Variants in SEMA6A observed in about 807,000 individuals in gnomAD.
SEMA6A encodes semaphorin-6A.
In SEMA6A, 25 loss-of-function variants were observed where a neutral mutation model predicts 96.8. The observed-to-expected ratio is 0.26, with a 90% confidence interval of 0.19 to 0.36. The LOEUF (loss-of-function observed/expected upper bound fraction) is 0.36, where lower values mean the gene tolerates loss of function less well. Ranked by LOEUF, SEMA6A falls within the 10% of genes least tolerant of loss-of-function variation. The pLI is 1.00. For synonymous variants in SEMA6A, 612 were observed against 518.0 expected (o/e 1.18, Z -2.46); for missense variants, 1,363 against 1,323.1 (o/e 1.03, Z -0.47).
intron 1 of SEMA6A, among the ~76,000 whole-genome samples, chr5:116,538,491 T>C (rs960365558): frequency 1.3e-5 from 2 of 152,188 alleles, no homozygotes; most frequent in African/African-American, 4.8e-5. Flanking sequence ...GGATAATGAA[T>C]TATTTTCAGG....
chr5:116,522,439 C>G (rs1196884126), intron 1 of SEMA6A, among the ~76,000 whole-genome samples: 1 of 152,036 alleles, frequency 6.6e-6, no homozygotes, highest in African/African-American at 2.4e-5. Context: ...ATACAGGATG[C>G]GGGTGAGGGA....
rs189533956 is a variant in SEMA6A, at chr5:116,527,488, A to T, written c.-38-22506T>A. On this transcript the variant is annotated intron_variant, in intron 1 of 18. Transcript: ENST00000343348. Reference sequence around the variant, plus strand: ...TTTCTCACATAAGCACTTTCAAAACAATGATCTTTTATACCCAATAAGCCA... The same window carrying T: ...TTTCTCACATAAGCACTTTCAAAACTATGATCTTTTATACCCAATAAGCCA... Among the ~76,000 whole-genome samples, 68 of 152,296 alleles carry T rather than the reference A, an allele frequency of 4.5e-4. No individual in the cohort carries two copies. The East Asian group carries it at 9.3e-3, about 21-fold the overall frequency.
chr5:116,552,891 G>A (rs974354057), intron 1 of SEMA6A, among the ~76,000 whole-genome samples: 2 of 152,184 alleles, frequency 1.3e-5, no homozygotes, highest in African/African-American at 4.8e-5. Flanking sequence ...TTGTGGATTG[G>A]GTGTAGGGAT....
intron 1 of SEMA6A, among the ~76,000 whole-genome samples, chr5:116,529,213 A>T (rs1196349818): frequency 6.6e-6 from 1 of 152,194 alleles, no homozygotes; most frequent in Non-Finnish European, 1.5e-5. Context: ...CAGCTATAAG[A>T]GAGTGTTGAA....
chr5:116,487,131 A>G, intron 9 of SEMA6A, 165 bp from the exon 10 acceptor site: 1 of 596,610 alleles, frequency 1.7e-6, no homozygotes, highest in South Asian at 2.1e-5. Context: ...AAAAGAGGAA[A>G]ACTCAGCATT....
At chr5:116,549,289 C>T (rs182240643) in intron 1 of SEMA6A, among the ~76,000 whole-genome samples, 4 of 152,302 alleles carry the variant, frequency 2.6e-5, no homozygotes, top group African/African-American at 9.6e-5. Flanking sequence ...ATTCCATACC[C>T]TCCCATAGCG....
Position 116,448,170 on chromosome 5 carries a change from T to TAAAAAA in SEMA6A, c.1895-365_1895-360dup, listed in dbSNP as rs59202921. Among the ~76,000 whole-genome samples the TAAAAAA allele has an allele frequency of 1.7e-3, 207 of 119,498 alleles. 1 individual carries two copies. Among genetic ancestry groups the TAAAAAA allele is most frequent in the African/African-American group, 6.7e-3 (185 of 27,452 alleles). The allele number at this position is 119,498 out of a possible 152,430, so 78.4% of individuals were successfully genotyped here. A position where few individuals can be genotyped will look rare whatever the true frequency, so the allele number is the denominator to read the frequency against. On this transcript the variant is annotated intron_variant, in intron 18 of 18. Coordinates refer to ENST00000343348, the MANE Select transcript of SEMA6A (RefSeq NM_020796.5). ...AAGATGGTGAAACCCCCGTCTCTAC[T>TAAAAAA]AAAAAAAAAAAAAAAAAAAAAAAAA...
At chr5:116,477,812 C>A (rs1275650075) in intron 15 of SEMA6A, 34 bp downstream of exon 15, 31 of 1,606,632 alleles carry the variant, frequency 1.9e-5, no homozygotes, top group Non-Finnish European at 2.1e-5. Context: ...GGCTGGAAGC[C>A]ACTTCACCCT....
At chr5:116,454,507 G>A (rs979088782) in intron 18 of SEMA6A, among the ~76,000 whole-genome samples, 6 of 152,082 alleles carry the variant, frequency 3.9e-5, no homozygotes, top group Admixed American at 1.3e-4. Flanking sequence ...GCATCGCCCC[G>A]CTAACCACAC....
At chr5:116,537,687 A>G (rs1377314900) in intron 1 of SEMA6A, among the ~76,000 whole-genome samples, 2 of 152,246 alleles carry the variant, frequency 1.3e-5, no homozygotes, top group Non-Finnish European at 2.9e-5. Context: ...GCTTATTGCC[A>G]TTAGGAGTAG....
At chr5:116,513,814 T>C (rs1285176821) in intron 1 of SEMA6A, among the ~76,000 whole-genome samples, 1 of 152,142 alleles carries the variant, frequency 6.6e-6, no homozygotes, top group African/African-American at 2.4e-5. Flanking sequence ...GAGTGTGTGC[T>C]GTTCTTCCCC....
chr5:116,470,964 A>G (rs2112661619), intron 17 of SEMA6A, among the ~76,000 whole-genome samples: 1 of 152,352 alleles, frequency 6.6e-6, no homozygotes, highest in African/African-American at 2.4e-5. Context: ...TTGCTCAACA[A>G]GTATTTGCCG....
chr5:116,573,092 G>A (rs1761295568), intron 1 of SEMA6A, among the ~76,000 whole-genome samples: 1 of 151,940 alleles, frequency 6.6e-6, no homozygotes, highest in African/African-American at 2.4e-5. Flanking sequence ...CTCCCACAGC[G>A]AGGAGCTGAG....
At chr5:116,511,767 G>C (rs922233993) in intron 1 of SEMA6A, among the ~76,000 whole-genome samples, 3 of 152,178 alleles carry the variant, frequency 2.0e-5, no homozygotes, top group Non-Finnish European at 4.4e-5. Flanking sequence ...AGGAGAAATT[G>C]ATTCTCTCAT....
chr5:116,494,567 C>T (rs1757488495), intron 6 of SEMA6A, among the ~76,000 whole-genome samples: 1 of 152,182 alleles, frequency 6.6e-6, no homozygotes, highest in African/African-American at 2.4e-5. Flanking sequence ...ATGGCAGGAA[C>T]TTTTGTGTTG....
intron 1 of SEMA6A, among the ~76,000 whole-genome samples, chr5:116,561,950 A>T (rs1300559878): frequency 1.3e-5 from 2 of 149,764 alleles, no homozygotes; most frequent in African/African-American, 4.9e-5. Context: ...CTGTACTCTG[A>T]ACATCCCTTT....
rs2112733401 is a variant in SEMA6A at position 116,491,771 on chromosome 5, A to G, written c.504T>C (p.Asp168=). ...EFSGMARCPY[D]AKHANVALFA... Reference sequence around the variant, plus strand: ...ACAGTGCAACGTTGGCATGTTTGGCATCATATGGGCATCTGGCCATTCCGC... The same window carrying G: ...ACAGTGCAACGTTGGCATGTTTGGCGTCATATGGGCATCTGGCCATTCCGC... Residue 168 remains aspartate, a synonymous_variant, in exon 7 of 19, where the codon GAT becomes GAC. Coordinates refer to ENST00000343348, the MANE Select transcript of SEMA6A (RefSeq NM_020796.5). 1 of 1,613,872 alleles carries G rather than the reference A, an allele frequency of 6.2e-7. No homozygotes were observed. The highest frequency in any genetic ancestry group is 1.6e-4 in the Middle Eastern group (1 of 6,062).
rs950198297 is a variant in SEMA6A, at chr5:116,445,983, T to G, written c.*630A>C. The stretch of plus-strand genomic sequence containing the variant: ...GGAGGAGCAGAAATCTATGACATAG[T>G]TGCCCAACATGGCATTTATCTGCTG... On this transcript the variant is annotated 3_prime_UTR_variant, in exon 19 of 19. Coordinates refer to ENST00000343348, the MANE Select transcript of SEMA6A (RefSeq NM_020796.5). The G allele has an allele frequency of 9.8e-5, 15 of 152,674 alleles. No individual in the cohort carries two copies. Among genetic ancestry groups the G allele is most frequent in the African/African-American group, 1.2e-4 (5 of 41,452 alleles). The allele number at this position is 152,674 out of a possible 1,614,324, so 9.5% of individuals were successfully genotyped here. A position where few individuals can be genotyped will look rare whatever the true frequency, so the allele number is the denominator to read the frequency against.
Position 116,497,394 on chromosome 5 carries a change from G to T in SEMA6A, c.219-7C>A, listed in dbSNP as rs148664380. The stretch of plus-strand genomic sequence containing the variant: ...AACAGTATAAATATGGTCCCTATAG[G>T]CAAAGAAAAATTAATACAAGGTCAA... On this transcript the variant is annotated splice_polypyrimidine_tract_variant and splice_region_variant and intron_variant, in intron 3 of 18. Transcript: ENST00000343348. 1 of 1,565,088 alleles carries T rather than the reference G, an allele frequency of 6.4e-7. No homozygotes were observed. The highest frequency in any genetic ancestry group is 8.8e-7 in the Non-Finnish European group (1 of 1,140,574).
Sources: allele counts gnomAD v4.1 joint callset (sites outside exome capture counted in the v4.1 genomes callset), GRCh38; gene constraint gnomAD v4.1.1; transcripts MANE v1.5; gene names NCBI Gene and HGNC (gene_info 2026-07-23, HGNC 2026-07-21).